Variants in PLCB1 observed in about 807,000 individuals in gnomAD.
PLCB1 encodes the protein phospholipase C beta 1, also known as 1-phosphatidylinositol 4,5-bisphosphate phosphodiesterase beta-1.
PLCB1 carries 46 observed loss-of-function variants against 161.8 expected under a neutral mutation model. The ratio of observed to expected loss-of-function variants is 0.28; its 90% CI spans 0.22 to 0.36. The LOEUF is 0.36. Among genes scored for constraint, PLCB1 ranks in the 10% least tolerant of loss-of-function variants. The probability of loss-of-function intolerance (pLI) is 1.00; values close to 1 mark genes in which losing one functional copy is unlikely to be tolerated. For missense variants in PLCB1, 1,016 were observed against 1,472.5 expected (o/e 0.69, Z 5.07); for synonymous variants, 517 against 503.7 (o/e 1.03, Z -0.35).
At chr20:8,506,804 A>C (rs1983654592) in intron 3 of PLCB1, among the ~76,000 whole-genome samples, 1 of 152,180 alleles carries the variant, frequency 6.6e-6, no homozygotes, top group Admixed American at 6.6e-5. Context: ...TTTGCCTCAG[A>C]TTTTTAATTT....
intron 2 of PLCB1, among the ~76,000 whole-genome samples, chr20:8,332,977 A>T (rs947972856): frequency 2.0e-5 from 3 of 152,206 alleles, no homozygotes; most frequent in Non-Finnish European, 4.4e-5. Flanking sequence ...CTAAAAATAC[A>T]CGTGCCTTTT....
intron 2 of PLCB1, among the ~76,000 whole-genome samples, chr20:8,161,975 C>A (rs183871563): frequency 3.3e-5 from 5 of 152,062 alleles, no homozygotes; most frequent in Non-Finnish European, 4.4e-5. Context: ...AACTACAGGC[C>A]CTACCAGATT....
At chr20:8,697,487 A>T in intron 10 of PLCB1, 139 bp from the exon 11 acceptor site, 2 of 782,930 alleles carry the variant, frequency 2.6e-6, no homozygotes, top group South Asian at 1.8e-5. Context: ...TGGTATGTTG[A>T]GGCAGAAGAA....
intron 9 of PLCB1, among the ~76,000 whole-genome samples, chr20:8,671,725 G>A (rs973667618): frequency 1.2e-4 from 18 of 152,174 alleles, no homozygotes; most frequent in Admixed American, 3.9e-4. Context: ...CAAGAAGGCA[G>A]GATACCTTTC....
intron 21 of PLCB1, among the ~76,000 whole-genome samples, chr20:8,739,652 C>G (rs1031084356): frequency 6.6e-6 from 1 of 152,206 alleles, no homozygotes; most frequent in Non-Finnish European, 1.5e-5. Context: ...CTAGCCTGGG[C>G]TCCGCAGCAT....
intron 3 of PLCB1, among the ~76,000 whole-genome samples, chr20:8,442,218 C>A (rs1005490464): frequency 6.6e-6 from 1 of 152,178 alleles, no homozygotes; most frequent in Non-Finnish European, 1.5e-5. Flanking sequence ...ACTGCTACAG[C>A]AGAATACATG....
chr20:8,836,451 G>A (rs1006161402), intron 31 of PLCB1, among the ~76,000 whole-genome samples: 2 of 75,762 alleles, frequency 2.6e-5, no homozygotes, highest in Non-Finnish European at 6.7e-5. Flanking sequence ...CTGTCTCTCT[G>A]GAGAACCAAG....
At chr20:8,542,454 T>A (rs541980522) in intron 3 of PLCB1, among the ~76,000 whole-genome samples, 24 of 152,320 alleles carry the variant, frequency 1.6e-4, no homozygotes, top group African/African-American at 5.5e-4. Context: ...CGGGATATTA[T>A]GTTGAATTTT....
intron 2 of PLCB1, among the ~76,000 whole-genome samples, chr20:8,293,623 T>TA (rs1983487267): frequency 6.6e-6 from 1 of 151,964 alleles, no homozygotes; most frequent in Admixed American, 6.6e-5. Context: ...GTTTTTTTTT[T>TA]AGCATTGCTT....
At chr20:8,539,690 CTT>C (rs767890643) in intron 3 of PLCB1, among the ~76,000 whole-genome samples, 16,006 of 38,508 alleles carry the variant, frequency 0.42, 1,544 homozygotes, top group Non-Finnish European at 0.45. Context: ...CTTTCTTTTT[CTT>C]TTTCCTTCCT....
At chr20:8,509,310 T>G (rs571335089) in intron 3 of PLCB1, among the ~76,000 whole-genome samples, 182 of 152,304 alleles carry the variant, frequency 1.2e-3, no homozygotes, top group African/African-American at 4.3e-3. Context: ...CCAAACACAT[T>G]CCACAGGAGA....
intron 3 of PLCB1, among the ~76,000 whole-genome samples, chr20:8,525,647 A>T (rs1239629854): frequency 6.6e-6 from 1 of 152,206 alleles, no homozygotes; most frequent in Non-Finnish European, 1.5e-5. Context: ...GTTTTTACCA[A>T]CAATTGGTTG....
intron 2 of PLCB1, among the ~76,000 whole-genome samples, chr20:8,182,112 CAT>C (rs1474401159): frequency 1.3e-5 from 2 of 152,182 alleles, no homozygotes; most frequent in Non-Finnish European, 2.9e-5. Flanking sequence ...GAATTAGTCT[CAT>C]ATCATTCTGA....
At chr20:8,818,419 C>A (rs999897452) in intron 31 of PLCB1, among the ~76,000 whole-genome samples, 7 of 152,020 alleles carry the variant, frequency 4.6e-5, no homozygotes, top group Admixed American at 2.0e-4. Context: ...AAAAGATGCC[C>A]ACTATTATCC....
At chr20:8,500,303 G>A (rs1389379111) in intron 3 of PLCB1, among the ~76,000 whole-genome samples, 3 of 152,086 alleles carry the variant, frequency 2.0e-5, no homozygotes, top group African/African-American at 7.2e-5. Context: ...CTTTGTTTGA[G>A]AATTCAAATA....
chr20:8,289,562 G>A (rs1180119514), intron 2 of PLCB1, among the ~76,000 whole-genome samples: 4 of 152,176 alleles, frequency 2.6e-5, no homozygotes. Context: ...GACACAGCTG[G>A]CAAGAGATGG....
At chr20:8,629,825 C>CT (rs11087813) in intron 4 of PLCB1, among the ~76,000 whole-genome samples, 11,268 of 68,100 alleles carry the variant, frequency 0.17, 524 homozygotes, top group East Asian at 0.25. Context: ...TCTTTTCTTT[C>CT]TTTCTTTCTT....
At chr20:8,631,251 C>T (rs1454750330) in intron 4 of PLCB1, among the ~76,000 whole-genome samples, 1 of 152,192 alleles carries the variant, frequency 6.6e-6, no homozygotes, top group African/African-American at 2.4e-5. Context: ...TGCTGCTGGT[C>T]CAGGCACCAC....
At chr20:8,549,157 A>T (rs563207383) in intron 3 of PLCB1, among the ~76,000 whole-genome samples, 1 of 152,180 alleles carries the variant, frequency 6.6e-6, no homozygotes, top group Non-Finnish European at 1.5e-5. Context: ...TAGAACTTAA[A>T]GTAAAATTTT....
Sources: gnomAD v4.1 joint callset for allele counts (sites outside exome capture counted in the v4.1 genomes callset) on GRCh38, gnomAD v4.1.1 for gene constraint, MANE v1.5 for transcripts, NCBI Gene and HGNC (gene_info 2026-07-23, HGNC 2026-07-21) for gene names.